AFAP1: variants seen among roughly 807,000 people sequenced by gnomAD.
AFAP1 encodes the protein actin filament associated protein 1, also known as actin filament-associated protein 1.
In AFAP1, 75 loss-of-function variants were observed where a neutral mutation model predicts 93.9. The observed-to-expected ratio is 0.80, with a 90% CI of 0.66 to 0.97. AFAP1 has a LOEUF of 0.97. Among genes scored for constraint, AFAP1 ranks in the 50% least tolerant of loss-of-function variants. The pLI, the probability that AFAP1 is intolerant of heterozygous loss-of-function variation, is 0.00. For synonymous variants in AFAP1, 517 were observed against 430.7 expected (o/e 1.20, Z -2.48); for missense variants, 1,201 against 1,050.8 (o/e 1.14, Z -1.98).
chr4:7,806,179 GCC>G (rs954162057), intron 9 of AFAP1, among the ~76,000 whole-genome samples: 4 of 152,242 alleles, frequency 2.6e-5, no homozygotes, highest in African/African-American at 9.6e-5. Context: ...GAGCTGACCT[GCC>G]CAATGCTAAA....
chr4:7,880,892 G>A (rs980593459), intron 1 of AFAP1, among the ~76,000 whole-genome samples: 1 of 152,268 alleles, frequency 6.6e-6, no homozygotes, highest in East Asian at 1.9e-4. Context: ...TGCCACGGGC[G>A]ACAGGCTCTG....
chr4:7,782,101 T>C (rs1470361843), intron 12 of AFAP1, among the ~76,000 whole-genome samples: 1 of 152,194 alleles, frequency 6.6e-6, no homozygotes, highest in African/African-American at 2.4e-5. Context: ...CACGAGGTCC[T>C]AGCAGAGCAC....
At chr4:7,933,535 T>C (rs1276974932) in intron 1 of AFAP1, among the ~76,000 whole-genome samples, 1 of 152,160 alleles carries the variant, frequency 6.6e-6, no homozygotes, top group Non-Finnish European at 1.5e-5. Flanking sequence ...ATCACACCAC[T>C]GCACTCCAGC....
intron 3 of AFAP1, among the ~76,000 whole-genome samples, chr4:7,863,990 T>A (rs375310255): frequency 3.0e-5 from 3 of 100,532 alleles, no homozygotes; most frequent in Admixed American, 2.3e-4. Flanking sequence ...CAACTTCCCA[T>A]CACAACACCT....
chr4:7,844,507 T>TCC (rs1392636780), intron 4 of AFAP1, among the ~76,000 whole-genome samples: 1 of 152,074 alleles, frequency 6.6e-6, no homozygotes, highest in Non-Finnish European at 1.5e-5. Context: ...CCTCTGAGCC[T>TCC]CCACACGGCC....
intron 1 of AFAP1, among the ~76,000 whole-genome samples, chr4:7,938,539 C>T (rs1364569867): frequency 6.6e-6 from 1 of 152,108 alleles, no homozygotes; most frequent in Non-Finnish European, 1.5e-5. Context: ...AAGCTGAGGT[C>T]GGAGTCTCCC....
chr4:7,768,484 T>C (rs1714937273), intron 17 of AFAP1, among the ~76,000 whole-genome samples: 2 of 152,262 alleles, frequency 1.3e-5, no homozygotes, highest in African/African-American at 4.8e-5. Flanking sequence ...ATCACACATC[T>C]GAGTGCTGAA....
chr4:7,768,809 AGGACACCCAGACACCCCC>A lies in AFAP1; in HGVS notation c.2418+17_2418+34del, dbSNP rs1714983135. ...TGCTGGGAGCTTAAAGTGCCTGCCC[AGGACACCCAGACACCCCC>A]GGACATCAGGGCTTACCTTGGCCTT... On this transcript the variant is annotated intron_variant, in intron 17 of 17. Transcript: ENST00000420658. 1 of 1,528,134 alleles carries A rather than the reference AGGACACCCAGACACCCCC, an allele frequency of 6.5e-7. No homozygotes were observed. Among genetic ancestry groups the A allele is most frequent in the South Asian group, 1.3e-5 (1 of 79,118 alleles). The allele number at this position is 1,528,134 out of a possible 1,614,324, so 94.7% of individuals were successfully genotyped here. A position where few individuals can be genotyped will look rare whatever the true frequency, so the allele number is the denominator to read the frequency against.
chr4:7,818,630 C>G (rs757588185), intron 7 of AFAP1, among the ~76,000 whole-genome samples: 2 of 152,202 alleles, frequency 1.3e-5, no homozygotes, highest in African/African-American at 2.4e-5. Context: ...GACAGGCCAT[C>G]CCCGCCCACT....
At position 7,785,356 on chromosome 4, in the gene AFAP1, A is replaced by C. The variant is rs904675402; in HGVS notation, c.1530+838T>G. Among the ~76,000 whole-genome samples, 6 of 151,924 alleles carry C rather than the reference A, an allele frequency of 3.9e-5. No homozygotes were observed. The East Asian group carries it at 9.7e-4, about 25-fold the overall frequency. ...AAAGCTGTTACTAAACACCTCCTGC[A>C]TGGATAGATGGATAGATGGATATAC... On this transcript the variant is annotated intron_variant, in intron 12 of 17. Transcript: ENST00000420658.
intron 1 of AFAP1, among the ~76,000 whole-genome samples, chr4:7,874,527 C>T (rs1311325057): frequency 2.0e-5 from 2 of 100,336 alleles, no homozygotes; most frequent in East Asian, 2.9e-4. Flanking sequence ...CCATGCCCAG[C>T]TAATTTTTTT....
chr4:7,931,429 T>C (rs1339766065), intron 1 of AFAP1, among the ~76,000 whole-genome samples: 1 of 152,174 alleles, frequency 6.6e-6, no homozygotes, highest in African/African-American at 2.4e-5. Flanking sequence ...TCTTGCTCTG[T>C]TGCTCAGGCT....
intron 1 of AFAP1, among the ~76,000 whole-genome samples, chr4:7,897,577 G>C (rs761317404): frequency 1.6e-4 from 25 of 151,928 alleles, no homozygotes; most frequent in Admixed American, 6.6e-5. Context: ...CAGGCTGGAG[G>C]GCAATGGCGT....
intron 1 of AFAP1, among the ~76,000 whole-genome samples, chr4:7,878,006 G>C (rs1717611487): frequency 6.6e-6 from 1 of 152,134 alleles, no homozygotes; most frequent in Admixed American, 6.5e-5. Flanking sequence ...CACACACATG[G>C]AAGCAGTGAG....
At chr4:7,900,161 G>A (rs928649883) in intron 1 of AFAP1, among the ~76,000 whole-genome samples, 2 of 152,128 alleles carry the variant, frequency 1.3e-5, no homozygotes, top group Non-Finnish European at 2.9e-5. Flanking sequence ...CATTCTCAAT[G>A]ATAACAGTTA....
chr4:7,784,247 G>A lies in AFAP1; in HGVS notation c.1530+1947C>T, dbSNP rs1230807394. Among the ~76,000 whole-genome samples the A allele has an allele frequency of 2.6e-5, 4 of 152,076 alleles. No individual in the cohort carries two copies. The East Asian group carries it at 5.8e-4, about 22-fold the overall frequency. On this transcript the variant is annotated intron_variant, in intron 12 of 17. Coordinates refer to ENST00000420658, the MANE Select transcript of AFAP1 (RefSeq NM_001134647.2). ...TGATACCCCTCCGCCTAAGATGGGGGGCTCTACTGGATGGACTCTGAAGCT... is the reference window on the plus strand; with the variant it reads ...TGATACCCCTCCGCCTAAGATGGGGAGCTCTACTGGATGGACTCTGAAGCT...
intron 8 of AFAP1, among the ~76,000 whole-genome samples, chr4:7,815,468 A>G (rs1282791316): frequency 6.6e-6 from 1 of 152,242 alleles, no homozygotes; most frequent in Admixed American, 6.5e-5. Flanking sequence ...GGCAAAATAA[A>G]GACATTTTCA....
At chr4:7,863,662 G>C (rs1166338242) in intron 3 of AFAP1, among the ~76,000 whole-genome samples, 1 of 152,034 alleles carries the variant, frequency 6.6e-6, no homozygotes, top group Non-Finnish European at 1.5e-5. Flanking sequence ...ACATTAGCCA[G>C]GTGGAAAGAC....
intron 1 of AFAP1, among the ~76,000 whole-genome samples, chr4:7,920,489 C>A (rs765911179): frequency 1.3e-5 from 2 of 152,100 alleles, no homozygotes; most frequent in Non-Finnish European, 2.9e-5. Context: ...GCCTTATGGG[C>A]AGTTTTTAAT....
Sources: allele counts gnomAD v4.1 joint callset (sites outside exome capture counted in the v4.1 genomes callset), GRCh38; gene constraint gnomAD v4.1.1; transcripts MANE v1.5; gene names NCBI Gene and HGNC (gene_info 2026-07-23, HGNC 2026-07-21).